MYO3B: variants seen among roughly 807,000 people sequenced by gnomAD.
MYO3B encodes the protein myosin IIIB.
Under a neutral mutation model 174.6 loss-of-function variants are expected in MYO3B, and 156 were observed. That is an observed-to-expected ratio of 0.89 (90% CI 0.78 to 1.02). The LOEUF (loss-of-function observed/expected upper bound fraction) is 1.02, where lower values mean the gene tolerates loss of function less well. Ranked by LOEUF, MYO3B falls within the 50% of genes least tolerant of loss-of-function variation. The pLI is 0.00. For synonymous variants in MYO3B, 563 were observed against 569.1 expected (o/e 0.99, Z 0.15); for missense variants, 1,632 against 1,639.4 (o/e 1.00, Z 0.08).
intron 25 of MYO3B, among the ~76,000 whole-genome samples, chr2:170,467,206 T>C (rs1003907555): frequency 2.6e-5 from 4 of 152,186 alleles, no homozygotes; most frequent in African/African-American, 9.7e-5. Flanking sequence ...GACTCTATTA[T>C]CATCCCCATT....
At chr2:170,368,718 G>A (rs187610564) in intron 8 of MYO3B, among the ~76,000 whole-genome samples, 9 of 152,200 alleles carry the variant, frequency 5.9e-5, no homozygotes, top group East Asian at 1.9e-4. Context: ...AAGCGCCAGC[G>A]TTTCTGTGAA....
chr2:170,400,399 G>T, intron 17 of MYO3B, 85 bp downstream of exon 17: 8 of 1,336,082 alleles, frequency 6.0e-6, no homozygotes, highest in Admixed American at 2.6e-5. Context: ...GCATTTGCTG[G>T]TCCTTTTTTT....
rs1373215587 is a variant in MYO3B, at chr2:170,654,946, AG to A, written c.*1826del. On this transcript the variant is annotated 3_prime_UTR_variant, in exon 35 of 35. Transcript: ENST00000408978. ...TTTTATTGTTTAAAAAATAATGTGT[AG>A]AATATATAAATTTTTTATGTTACTG... 2 of 152,172 alleles carry A rather than the reference AG, an allele frequency of 1.3e-5. No homozygotes were observed. The highest frequency in any genetic ancestry group is 4.8e-5 in the African/African-American group (2 of 41,442). 9.4% of individuals were successfully genotyped at this position (152,172 alleles called of 1,614,324 possible).
At chr2:170,189,346 C>T (rs2092511171) in intron 1 of MYO3B, among the ~76,000 whole-genome samples, 1 of 152,016 alleles carries the variant, frequency 6.6e-6, no homozygotes, top group Non-Finnish European at 1.5e-5. Context: ...TCTTCTTGTA[C>T]TTGAATATTG....
At chr2:170,329,251 GTGTGTGTGTATA>G (rs1181639605) in intron 7 of MYO3B, among the ~76,000 whole-genome samples, 6 of 148,540 alleles carry the variant, frequency 4.0e-5, no homozygotes, top group African/African-American at 1.5e-4. Context: ...GTGTGTGTGT[GTGTGTGTGTATA>G]TATATAAAAT....
chr2:170,271,530 G>C (rs765477007), intron 7 of MYO3B, among the ~76,000 whole-genome samples: 10 of 152,184 alleles, frequency 6.6e-5, no homozygotes, highest in Non-Finnish European at 1.3e-4. Context: ...GATATTTGAT[G>C]CTTTTAACCT....
chr2:170,357,305 CA>C (rs1480540463), intron 8 of MYO3B, among the ~76,000 whole-genome samples: 1 of 141,368 alleles, frequency 7.1e-6, no homozygotes. Context: ...GACTCCATCT[CA>C]AAAAAAATAA....
intron 19 of MYO3B, among the ~76,000 whole-genome samples, chr2:170,403,748 T>G (rs2094493405): frequency 1.3e-5 from 2 of 152,248 alleles, no homozygotes; most frequent in Non-Finnish European, 2.9e-5. Flanking sequence ...AATACCAGCA[T>G]TGCTTTTATC....
At chr2:170,194,558 G>GT (rs1445027502) in intron 1 of MYO3B, among the ~76,000 whole-genome samples, 2 of 151,864 alleles carry the variant, frequency 1.3e-5, no homozygotes, top group African/African-American at 4.8e-5. Context: ...TATTTTTCTG[G>GT]TTTTGAATGT....
chr2:170,481,689 G>T (rs1685698569), intron 25 of MYO3B, among the ~76,000 whole-genome samples: 1 of 152,180 alleles, frequency 6.6e-6, no homozygotes, highest in Non-Finnish European at 1.5e-5. Context: ...TCAACATTGT[G>T]AGTAAAATAT....
At chr2:170,386,318 G>A (rs1033692138) in intron 13 of MYO3B, 46 bp downstream of exon 13, 3 of 1,477,924 alleles carry the variant, frequency 2.0e-6, no homozygotes, top group Non-Finnish European at 2.8e-6. Context: ...AGTTCCTACA[G>A]AGTAACTGCA....
At chr2:170,187,005 C>CTTTTTT (rs35780057) in intron 1 of MYO3B, among the ~76,000 whole-genome samples, 4 of 134,236 alleles carry the variant, frequency 3.0e-5, no homozygotes, top group Non-Finnish European at 4.9e-5. Context: ...TTTGAGTTGT[C>CTTTTTT]TTTTTTTTTT....
chr2:170,400,916 T>C (rs1324823844), intron 17 of MYO3B, among the ~76,000 whole-genome samples: 1 of 151,726 alleles, frequency 6.6e-6, no homozygotes, highest in Non-Finnish European at 1.5e-5. Flanking sequence ...CTGCGGGCAG[T>C]GGTTTTTAAC....
intron 32 of MYO3B, among the ~76,000 whole-genome samples, chr2:170,605,511 C>T (rs1445393409): frequency 1.3e-5 from 2 of 152,100 alleles, no homozygotes; most frequent in Non-Finnish European, 2.9e-5. Flanking sequence ...CTCTTGATCC[C>T]CTCATGTCTT....
At chr2:170,569,535 T>TA (rs931802580) in intron 32 of MYO3B, among the ~76,000 whole-genome samples, 2 of 151,562 alleles carry the variant, frequency 1.3e-5, no homozygotes, top group Admixed American at 6.6e-5. Flanking sequence ...TTTTTTTTTT[T>TA]TAAGCTTTAC....
At chr2:170,613,915 G>A (rs778101161) in intron 32 of MYO3B, among the ~76,000 whole-genome samples, 48 of 152,156 alleles carry the variant, frequency 3.2e-4, no homozygotes, top group Admixed American at 2.3e-3. Context: ...CCTATTGTGG[G>A]ACCTTGTGAT....
chr2:170,636,245 C>G (rs1697460180), intron 32 of MYO3B, among the ~76,000 whole-genome samples: 1 of 152,142 alleles, frequency 6.6e-6, no homozygotes, highest in South Asian at 2.1e-4. Context: ...ACTGGTTCAT[C>G]ATGGCCAGAA....
At chr2:170,537,216 CAAA>C (rs1172374111) in intron 30 of MYO3B, among the ~76,000 whole-genome samples, 3 of 10,654 alleles carry the variant, frequency 2.8e-4, no homozygotes, top group Non-Finnish European at 5.7e-4. Context: ...AAAAAAAAAA[CAAA>C]AAACAAAAAG....
chr2:170,634,485 C>G (rs953722334), intron 32 of MYO3B, among the ~76,000 whole-genome samples: 61 of 152,276 alleles, frequency 4.0e-4, no homozygotes, highest in Admixed American at 1.4e-3. Flanking sequence ...GGATTAAAGA[C>G]TTACATGTTA....
Sources: gnomAD v4.1 joint callset for allele counts (sites outside exome capture counted in the v4.1 genomes callset) on GRCh38, gnomAD v4.1.1 for gene constraint, MANE v1.5 for transcripts, NCBI Gene and HGNC (gene_info 2026-07-23, HGNC 2026-07-21) for gene names.